Variants in ANKHD1 observed in about 807,000 individuals in gnomAD.
ANKHD1 encodes the protein ankyrin repeat and KH domain containing 1.
A neutral mutation model predicts 230.5 loss-of-function variants in ANKHD1; 31 were observed. That is an observed-to-expected ratio of 0.13 (90% CI 0.10 to 0.18). ANKHD1 has a LOEUF of 0.18. ANKHD1 is among the 10% of genes least tolerant of loss of function. The pLI is 1.00. For missense variants in ANKHD1, 2,256 were observed against 3,071.3 expected, an observed-to-expected ratio of 0.73 and a Z score of 6.27; for synonymous variants, 1,074 against 1,117.6, an observed-to-expected ratio of 0.96 and a Z score of 0.78.
chr5:140,501,180 A>T (rs1393863505), intron 15 of ANKHD1, among the ~76,000 whole-genome samples: 1 of 149,508 alleles, frequency 6.7e-6, no homozygotes, highest in Non-Finnish European at 1.5e-5. Flanking sequence ...GGTTCAAGCG[A>T]TTCCCCTTGC....
chr5:140,500,665 A>AAAAAAAAG (rs748025095), intron 15 of ANKHD1, among the ~76,000 whole-genome samples: 159 of 115,464 alleles, frequency 1.4e-3, no homozygotes, highest in East Asian at 2.5e-3. Context: ...AAAAAAAAAA[A>AAAAAAAAG]AAAAGAAAAG....
At chr5:140,510,659 C>T (rs1479754902) in intron 22 of ANKHD1, among the ~76,000 whole-genome samples, 2 of 152,032 alleles carry the variant, frequency 1.3e-5, no homozygotes, top group Middle Eastern at 3.2e-3. Flanking sequence ...CTATAAGCAA[C>T]TTGGTTGTTA....
intron 1 of ANKHD1, among the ~76,000 whole-genome samples, chr5:140,406,561 ATT>A (rs1401314294): frequency 1.1e-4 from 16 of 141,004 alleles, no homozygotes; most frequent in Admixed American, 2.2e-4. Context: ...CTTTCAGTAC[ATT>A]TTTTTTTTTT....
rs1276932614 is a variant in ANKHD1 at position 140,507,099 on chromosome 5, A to G, written c.3551+122A>G. The G allele has an allele frequency of 7.3e-7, 1 of 1,374,216 alleles. No individual in the cohort carries two copies. Among genetic ancestry groups the G allele is most frequent in the Non-Finnish European group, 9.8e-7 (1 of 1,023,898 alleles). The allele number at this position is 1,374,216 out of a possible 1,614,324, so 85.1% of individuals were successfully genotyped here. Reference sequence around the variant, plus strand: ...AGATAGTACTAAAGTTGCAAAGCCAACGATTATACCTATAATGTGTTTGTT... The same window carrying G: ...AGATAGTACTAAAGTTGCAAAGCCAGCGATTATACCTATAATGTGTTTGTT... On this transcript the variant is annotated intron_variant, in intron 19 of 33. Coordinates refer to ENST00000360839, the MANE Select transcript of ANKHD1 (RefSeq NM_017747.3). The surrounding 1 kb of genome is among the most constrained non-coding windows in gnomAD (Gnocchi z 4.1).
chr5:140,405,877 C>T (rs1360513377), intron 1 of ANKHD1, among the ~76,000 whole-genome samples: 1 of 152,026 alleles, frequency 6.6e-6, no homozygotes, highest in Non-Finnish European at 1.5e-5. Flanking sequence ...AAGTGATTCT[C>T]CCACCTTGGT....
At chr5:140,487,136 A>T in intron 14 of ANKHD1, 76 bp downstream of exon 14, 1 of 1,437,478 alleles carries the variant, frequency 7.0e-7, no homozygotes, top group Non-Finnish European at 9.3e-7. Context: ...TACTTTAATG[A>T]TACAGAGTTA....
At chr5:140,491,081 T>TGC (rs1491426701) in intron 14 of ANKHD1, among the ~76,000 whole-genome samples, 15 of 94,832 alleles carry the variant, frequency 1.6e-4, no homozygotes, top group African/African-American at 5.5e-4. Context: ...TATGTATATA[T>TGC]GTGTGTGTGT....
chr5:140,505,924 G>A, intron 18 of ANKHD1, 55 bp downstream of exon 18: 1 of 1,524,660 alleles, frequency 6.6e-7, no homozygotes. Flanking sequence ...TTTAAAATAT[G>A]CATATGATTC....
intron 30 of ANKHD1, 177 bp downstream of exon 30, chr5:140,535,715 A>G (rs1458611628): frequency 1.0e-6 from 1 of 984,208 alleles, no homozygotes; most frequent in Non-Finnish European, 1.3e-6. Context: ...AAACTTGAGA[A>G]TTATTCTTTC....
chr5:140,496,846 T>C lies in ANKHD1; in HGVS notation c.2572T>C (p.Leu858=). ...ACAGCAGCAATTTACCAAAGAATACTTGGAAACCAAAGGTCAGAAAGACAC... is the reference window on the plus strand; with the variant it reads ...ACAGCAGCAATTTACCAAAGAATACCTGGAAACCAAAGGTCAGAAAGACAC... The part of the protein sequence containing the change: ...KTQQQFTKEY[L]ETKGQKDTVS... Residue 858 remains leucine, a synonymous_variant, in exon 15 of 34, where the codon TTG becomes CTG. Coordinates refer to ENST00000360839, the MANE Select transcript of ANKHD1 (RefSeq NM_017747.3). 1.9e-6 allele frequency: 3 copies of C among 1,614,038 alleles called. No individual in the cohort carries two copies. Among genetic ancestry groups the C allele is most frequent in the Non-Finnish European group, 2.5e-6 (3 of 1,180,004 alleles).
intron 1 of ANKHD1, among the ~76,000 whole-genome samples, chr5:140,408,631 G>T (rs1770669721): frequency 6.6e-6 from 1 of 151,914 alleles, no homozygotes; most frequent in African/African-American, 2.4e-5. Flanking sequence ...TAAGGAGTTG[G>T]GTCATATCCT....
At chr5:140,413,000 TG>T (rs973098633) in intron 1 of ANKHD1, among the ~76,000 whole-genome samples, 52 of 152,332 alleles carry the variant, frequency 3.4e-4, no homozygotes, top group Middle Eastern at 3.4e-3. Flanking sequence ...GTAGAAAGGA[TG>T]TTTTTTTAAA....
chr5:140,525,133 GA>G (rs938360137), intron 25 of ANKHD1, among the ~76,000 whole-genome samples: 105 of 150,554 alleles, frequency 7.0e-4, no homozygotes, highest in African/African-American at 2.4e-3. Flanking sequence ...AAAATAAAAA[GA>G]AAAAAAAGAA....
intron 10 of ANKHD1, chr5:140,465,243 C>T (rs531321053): frequency 6.6e-6 from 1 of 152,274 alleles, no homozygotes; most frequent in Non-Finnish European, 1.5e-5. Flanking sequence ...CATCCATCAT[C>T]ATTTTGAATG....
At chr5:140,453,791 A>C (rs1774939796) in intron 7 of ANKHD1, among the ~76,000 whole-genome samples, 1 of 152,218 alleles carries the variant, frequency 6.6e-6, no homozygotes, top group Non-Finnish European at 1.5e-5. Flanking sequence ...AAGGCTAGGA[A>C]GAAACTGCAT....
intron 6 of ANKHD1, 82 bp downstream of exon 6, chr5:140,446,057 T>C (rs1774255094): frequency 4.6e-6 from 6 of 1,292,294 alleles, no homozygotes; most frequent in Admixed American, 3.2e-5. Flanking sequence ...GAGTTTACTT[T>C]ATATTGCTTA....
chr5:140,416,640 G>A (rs1449044605), intron 1 of ANKHD1, among the ~76,000 whole-genome samples: 7 of 151,914 alleles, frequency 4.6e-5, no homozygotes, highest in Admixed American at 4.6e-4. Flanking sequence ...TTTCAAATTT[G>A]TTCTTTTTTT....
intron 7 of ANKHD1, among the ~76,000 whole-genome samples, chr5:140,458,213 G>A (rs932070923): frequency 4.6e-5 from 7 of 152,090 alleles, no homozygotes; most frequent in Non-Finnish European, 8.8e-5. Flanking sequence ...TTCTACATTT[G>A]AATATGACTC....
intron 1 of ANKHD1, among the ~76,000 whole-genome samples, chr5:140,407,889 A>G (rs1770602635): frequency 6.6e-6 from 1 of 152,128 alleles, no homozygotes; most frequent in South Asian, 2.1e-4. Flanking sequence ...AAATTATTAC[A>G]AAAGTGGCCG....
Sources: gnomAD v4.1 joint callset for allele counts (sites outside exome capture counted in the v4.1 genomes callset) on GRCh38, gnomAD v4.1.1 for gene constraint, Gnocchi (gnomAD v3.1) non-coding constraint, MANE v1.5 for transcripts, NCBI Gene and HGNC (gene_info 2026-07-23, HGNC 2026-07-21) for gene names.